Variants in PCTP observed in about 807,000 individuals in gnomAD.
PCTP encodes the protein phosphatidylcholine transfer protein.
A neutral mutation model predicts 31.0 loss-of-function variants in PCTP; 27 were observed. That is an observed-to-expected ratio of 0.87 (90% CI 0.64 to 1.20). The LOEUF (loss-of-function observed/expected upper bound fraction) is 1.20. Ranked by LOEUF, PCTP falls within the 50% of genes most tolerant of loss-of-function variation. The probability of loss-of-function intolerance (pLI) is 0.00; values close to 1 mark genes in which losing one functional copy is unlikely to be tolerated. For missense variants in PCTP, 287 were observed against 268.2 expected (o/e 1.07, Z -0.49); for synonymous variants, 108 against 101.2 (o/e 1.07, Z -0.40).
chr17:55,844,290 C>T (rs1906075028), downstream of PCTP, among the ~76,000 whole-genome samples: 1 of 152,178 alleles, frequency 6.6e-6, no homozygotes, highest in South Asian at 2.1e-4. Context: ...ATAGGACACA[C>T]ATCTGGACCT....
downstream of PCTP, among the ~76,000 whole-genome samples, chr17:55,844,062 G>A (rs922721633): frequency 2.0e-5 from 3 of 152,190 alleles, no homozygotes; most frequent in African/African-American, 7.2e-5. Context: ...GCGATAAATG[G>A]CTTTTCAATT....
chr17:55,766,258 C>CTTT (rs1210880476), intron 1 of PCTP, among the ~76,000 whole-genome samples: 4 of 138,518 alleles, frequency 2.9e-5, no homozygotes, highest in African/African-American at 1.1e-4. Flanking sequence ...AGCTGCTTTT[C>CTTT]TTTTTTTTTT....
chr17:55,802,250 G>A (rs1037057538), intron 3 of PCTP, among the ~76,000 whole-genome samples: 1 of 152,144 alleles, frequency 6.6e-6, no homozygotes, highest in Non-Finnish European at 1.5e-5. Flanking sequence ...AAAAAGCTCA[G>A]GACCAGATGG....
downstream of PCTP, among the ~76,000 whole-genome samples, chr17:55,779,759 CT>C (rs1911492204): frequency 6.6e-6 from 1 of 152,194 alleles, no homozygotes; most frequent in Non-Finnish European, 1.5e-5. Context: ...GCTTTAAGCC[CT>C]ATTACTTTGA....
At chr17:55,824,092 A>G (rs78034571), downstream of PCTP, among the ~76,000 whole-genome samples, 1,217 of 152,164 alleles carry the variant, frequency 8.0e-3, 16 homozygotes, top group African/African-American at 0.027. Flanking sequence ...CCTTCTTCCC[A>G]TACATTCACT....
intron 1 of PCTP, among the ~76,000 whole-genome samples, chr17:55,758,353 CCA>C (rs1910157996): frequency 6.6e-6 from 1 of 152,116 alleles, no homozygotes; most frequent in East Asian, 1.9e-4. Flanking sequence ...TTCTCAAAGA[CCA>C]GCATGACTGG....
downstream of PCTP, among the ~76,000 whole-genome samples, chr17:55,782,117 C>T (rs1489933326): frequency 2.0e-5 from 3 of 152,164 alleles, no homozygotes; most frequent in African/African-American, 7.2e-5. Flanking sequence ...CCAGAAACAC[C>T]AGTATCTCAG....
At chr17:55,833,929 A>G (rs1416100463) in intron 5 of PCTP, among the ~76,000 whole-genome samples, 2 of 152,220 alleles carry the variant, frequency 1.3e-5, no homozygotes, top group Non-Finnish European at 2.9e-5. Context: ...CAATCATATC[A>G]GAAACTTCCT....
intron 1 of PCTP, among the ~76,000 whole-genome samples, chr17:55,756,872 G>A (rs948235968): frequency 2.0e-5 from 3 of 152,144 alleles, no homozygotes; most frequent in Admixed American, 6.5e-5. Context: ...TTTTCCAGGA[G>A]GAGCCAGGAG....
chr17:55,799,457 C>T (rs1912302153), intron 3 of PCTP, among the ~76,000 whole-genome samples: 1 of 150,682 alleles, frequency 6.6e-6, no homozygotes, highest in Non-Finnish European at 1.5e-5. Context: ...TGTTTTGAGC[C>T]TATGTGTGTG....
the PCTP span, among the ~76,000 whole-genome samples, chr17:55,848,926 T>C: frequency 6.6e-6 from 1 of 152,198 alleles, no homozygotes; most frequent in East Asian, 1.9e-4. Context: ...CAGTTCATGC[T>C]TACTGGAATA....
At chr17:55,786,888 C>T (rs1299151575) in intron 2 of PCTP, among the ~76,000 whole-genome samples, 1 of 152,112 alleles carries the variant, frequency 6.6e-6, no homozygotes, top group East Asian at 1.9e-4. Flanking sequence ...GGATAGGATC[C>T]TGCATCACCT....
At chr17:55,833,126 T>C (rs1361333942) in intron 5 of PCTP, among the ~76,000 whole-genome samples, 2 of 151,502 alleles carry the variant, frequency 1.3e-5, no homozygotes, top group Non-Finnish European at 2.9e-5. Context: ...CTCAGGGGAG[T>C]TGCAGGAGCA....
At chr17:55,753,046 C>T (rs1318676669) in intron 1 of PCTP, among the ~76,000 whole-genome samples, 1 of 152,190 alleles carries the variant, frequency 6.6e-6, no homozygotes, top group Admixed American at 6.5e-5. Flanking sequence ...CCACCACACC[C>T]AGCCAGGCAA....
Position 55,756,167 on chromosome 17 carries a change from C to T in PCTP, c.141+4923C>T, listed in dbSNP as rs192984623. Among the ~76,000 whole-genome samples the T allele has an allele frequency of 3.9e-5, 6 of 152,128 alleles. No individual in the cohort carries two copies. The East Asian group carries it at 7.7e-4, about 20-fold the overall frequency. On this transcript the variant is annotated intron_variant, in intron 1 of 5. Coordinates refer to ENST00000268896, the MANE Select transcript of PCTP (RefSeq NM_021213.4). The stretch of plus-strand genomic sequence containing the variant: ...CCCATGTGCTACTGTCTTCATAGAC[C>T]CTGGGGATAAGTGGTGAAGAAGGAA...
At chr17:55,810,372 T>C (rs538801928) in intron 3 of PCTP, among the ~76,000 whole-genome samples, 1 of 152,214 alleles carries the variant, frequency 6.6e-6, no homozygotes, top group African/African-American at 2.4e-5. Context: ...ATGGTAAAAT[T>C]TGGATGAGAG....
At chr17:55,781,249 C>G (rs1173957651), downstream of PCTP, among the ~76,000 whole-genome samples, 1 of 152,224 alleles carries the variant, frequency 6.6e-6, no homozygotes, top group Non-Finnish European at 1.5e-5. Flanking sequence ...AATTGTACAT[C>G]TCTATCTGCC....
chr17:55,848,752 A>T, the PCTP span, among the ~76,000 whole-genome samples: 17 of 152,314 alleles, frequency 1.1e-4, no homozygotes, highest in South Asian at 3.3e-3. Flanking sequence ...ATGAAAGGCA[A>T]ACCCAGAATC....
At chr17:55,771,254 T>TAGAC in intron 3 of PCTP, 69 bp downstream of exon 3, 3 of 1,210,782 alleles carry the variant, frequency 2.5e-6, no homozygotes, top group Non-Finnish European at 3.7e-6. Context: ...CTGCAGTCTA[T>TAGAC]TGCAGAGAGG....
Sources: allele counts gnomAD v4.1 joint callset (sites outside exome capture counted in the v4.1 genomes callset), GRCh38; gene constraint gnomAD v4.1.1; transcripts MANE v1.5; gene names NCBI Gene and HGNC (gene_info 2026-07-23, HGNC 2026-07-21).